Variants in MGMT observed in about 807,000 individuals in gnomAD.
MGMT encodes the protein methylated-DNA--protein-cysteine methyltransferase.
A neutral mutation model predicts 15.9 loss-of-function variants in MGMT; 14 were observed. The ratio of observed to expected loss-of-function variants is 0.88; its 90% CI spans 0.58 to 1.37. The LOEUF (loss-of-function observed/expected upper bound fraction) is 1.37, where lower values mean the gene tolerates loss of function less well. Ranked by LOEUF, MGMT falls within the 40% of genes most tolerant of loss-of-function variation. The probability of loss-of-function intolerance (pLI) is 0.00; values close to 1 mark genes in which losing one functional copy is unlikely to be tolerated. For synonymous variants in MGMT, 130 were observed against 118.2 expected, an observed-to-expected ratio of 1.10 and a Z score of -0.65; for missense variants, 282 against 268.1, an observed-to-expected ratio of 1.05 and a Z score of -0.36.
At chr10:129,671,941 A>G (rs970913394) in intron 2 of MGMT, among the ~76,000 whole-genome samples, 4 of 152,236 alleles carry the variant, frequency 2.6e-5, no homozygotes, top group Admixed American at 2.0e-4. Context: ...CAGAATTTAC[A>G]ACAAAGAGTA....
intron 1 of MGMT, among the ~76,000 whole-genome samples, chr10:129,515,685 C>T (rs1845730881): frequency 6.6e-6 from 1 of 152,176 alleles, no homozygotes; most frequent in Non-Finnish European, 1.5e-5. Context: ...GTGACCTTGA[C>T]GTCTTGAGGC....
intron 2 of MGMT, among the ~76,000 whole-genome samples, chr10:129,676,361 T>C (rs1324577297): frequency 6.6e-6 from 1 of 152,206 alleles, no homozygotes; most frequent in Non-Finnish European, 1.5e-5. Context: ...TACAGGTTGA[T>C]GGCAACAGCG....
chr10:129,605,184 G>A (rs1484357327), intron 2 of MGMT, among the ~76,000 whole-genome samples: 1 of 152,160 alleles, frequency 6.6e-6, no homozygotes, highest in African/African-American at 2.4e-5. Context: ...GAAAGAAAAA[G>A]AGGAAATGCA....
chr10:129,640,594 C>CGAG (rs60916700), intron 2 of MGMT, among the ~76,000 whole-genome samples: 82,200 of 151,786 alleles, frequency 0.54, 22,472 homozygotes, highest in African/African-American at 0.6. Context: ...AGAAAATACA[C>CGAG]GAGGAAATAC....
chr10:129,694,900 C>A (rs1213580719), intron 2 of MGMT, among the ~76,000 whole-genome samples: 1 of 152,186 alleles, frequency 6.6e-6, no homozygotes, highest in Non-Finnish European at 1.5e-5. Flanking sequence ...TGAAAAAGTA[C>A]AAATGTTTTC....
chr10:129,725,869 C>T (rs1334806039), intron 3 of MGMT, among the ~76,000 whole-genome samples: 3 of 152,256 alleles, frequency 2.0e-5, no homozygotes, highest in Non-Finnish European at 2.9e-5. Flanking sequence ...TCTGCTGTCA[C>T]GTGTCTGCAC....
At chr10:129,632,746 G>A (rs1847225175) in intron 2 of MGMT, among the ~76,000 whole-genome samples, 1 of 152,078 alleles carries the variant, frequency 6.6e-6, no homozygotes, top group Non-Finnish European at 1.5e-5. Flanking sequence ...ATACCACAGT[G>A]GGTTCAAAGT....
chr10:129,766,944 T>G lies in MGMT; in HGVS notation c.571T>G (p.Trp191Gly). 1 of 1,613,012 alleles carries G rather than the reference T, an allele frequency of 6.2e-7. No individual in the cohort carries two copies. Among genetic ancestry groups the G allele is most frequent in the African/African-American group, 1.3e-5 (1 of 75,074 alleles). Residue 191 changes from tryptophan to glycine, a missense_variant, in exon 5 of 5, where the codon TGG (tryptophan) becomes GGG (glycine). Coordinates refer to ENST00000651593, the MANE Select transcript of MGMT (RefSeq NM_002412.5). ...LGGSSGLAGA[W>G]LKGAGATSGS... ...AGGGAGCTCAGGTCTGGCAGGGGCC[T>G]GGCTCAAGGGAGCGGGAGCTACCTC... is the stretch of plus-strand genomic sequence containing the variant.
chr10:129,707,622 T>C (rs911282504), intron 2 of MGMT, among the ~76,000 whole-genome samples: 1 of 152,142 alleles, frequency 6.6e-6, no homozygotes, highest in Non-Finnish European at 1.5e-5. Flanking sequence ...TCTGTAAGTC[T>C]TACAAAGGGA....
intron 2 of MGMT, among the ~76,000 whole-genome samples, chr10:129,673,167 C>T (rs1044138860): frequency 3.3e-5 from 5 of 152,172 alleles, no homozygotes; most frequent in African/African-American, 1.2e-4. Context: ...TGCTTCATCC[C>T]AGGGTAGGGG....
rs534155029 is a variant in MGMT, at chr10:129,696,708, G to T, written c.126-11187G>T. Among the ~76,000 whole-genome samples the T allele has an allele frequency of 9.2e-5, 14 of 152,368 alleles. No homozygotes were observed. In the East Asian group the frequency reaches 2.7e-3, roughly 29 times the overall value. ...GGCAGGGATTGAGCACTGGGAATGT[G>T]CTGGGTCGGAGCCGAGGGCTGGAGG... On this transcript the variant is annotated intron_variant, in intron 2 of 4. Coordinates refer to ENST00000651593, the MANE Select transcript of MGMT (RefSeq NM_002412.5).
intron 3 of MGMT, among the ~76,000 whole-genome samples, chr10:129,745,594 C>G (rs1848685841): frequency 6.6e-6 from 1 of 152,226 alleles, no homozygotes; most frequent in East Asian, 1.9e-4. Flanking sequence ...ATTTTTCTTG[C>G]TGAGTGTACG....
intron 2 of MGMT, among the ~76,000 whole-genome samples, chr10:129,602,853 C>T (rs568393685): frequency 2.0e-5 from 3 of 151,972 alleles, no homozygotes; most frequent in East Asian, 1.9e-4. Flanking sequence ...CATACTGCTT[C>T]GGGAATGTCT....
intron 1 of MGMT, among the ~76,000 whole-genome samples, chr10:129,469,730 A>G (rs1023529806): frequency 1.3e-5 from 2 of 152,148 alleles, no homozygotes; most frequent in African/African-American, 4.8e-5. Flanking sequence ...TTTTAGAGAC[A>G]AGGTCTTGGT....
chr10:129,599,484 C>T (rs578099873), intron 2 of MGMT, among the ~76,000 whole-genome samples: 6 of 152,326 alleles, frequency 3.9e-5, no homozygotes, highest in South Asian at 2.1e-4. Context: ...TCTTGTCTTG[C>T]GCATTTATCA....
chr10:129,709,180 G>A (rs1171702461), intron 3 of MGMT, among the ~76,000 whole-genome samples: 1 of 152,198 alleles, frequency 6.6e-6, no homozygotes, highest in African/African-American at 2.4e-5. Context: ...GAGTGGGTGG[G>A]CCTTTACATG....
intron 1 of MGMT, among the ~76,000 whole-genome samples, chr10:129,535,337 A>G (rs937031593): frequency 6.6e-6 from 1 of 152,206 alleles, no homozygotes; most frequent in Admixed American, 6.5e-5. Context: ...TCAAGACTGC[A>G]GTGAGCTAGG....
chr10:129,632,486 C>T (rs890562562), intron 2 of MGMT, among the ~76,000 whole-genome samples: 9 of 152,158 alleles, frequency 5.9e-5, no homozygotes, highest in African/African-American at 1.2e-4. Flanking sequence ...CAAAAGCACA[C>T]GGTAGAGGAT....
rs1308993558 is a variant in MGMT at position 129,556,411 on chromosome 10, C to A, written c.125+20034C>A. ...ACACGGAGGGATGGCCACGTGAGGACCCTGGGAGAAGGCTGCCTTCTGCAA... is the reference window on the plus strand; with the variant it reads ...ACACGGAGGGATGGCCACGTGAGGAACCTGGGAGAAGGCTGCCTTCTGCAA... On this transcript the variant is annotated intron_variant, in intron 2 of 4. Transcript: ENST00000651593. This position sits in a 1 kb window ranked among gnomAD's most constrained non-coding sequence, Gnocchi z 4.3. Among the ~76,000 whole-genome samples the A allele has an allele frequency of 6.6e-6, 1 of 152,124 alleles. No homozygotes were observed. Among genetic ancestry groups the A allele is most frequent in the East Asian group, 1.9e-4 (1 of 5,164 alleles).
Sources: gnomAD v4.1 joint callset for allele counts (sites outside exome capture counted in the v4.1 genomes callset) on GRCh38, gnomAD v4.1.1 for gene constraint, Gnocchi (gnomAD v3.1) non-coding constraint, MANE v1.5 for transcripts, NCBI Gene and HGNC (gene_info 2026-07-23, HGNC 2026-07-21) for gene names.